Variants in SORCS3 observed in about 807,000 individuals in gnomAD.
SORCS3 encodes sortilin related VPS10 domain containing receptor 3.
In SORCS3, 57 loss-of-function variants were observed where a neutral mutation model predicts 146.3. The observed-to-expected ratio is 0.39, with a 90% confidence interval of 0.31 to 0.49. SORCS3 has a LOEUF of 0.49. Ranked by LOEUF, SORCS3 falls within the 20% of genes least tolerant of loss-of-function variation. The pLI, the probability that SORCS3 is intolerant of heterozygous loss-of-function variation, is 0.92. For missense variants in SORCS3, 1,341 were observed against 1,575.5 expected, an observed-to-expected ratio of 0.85 and a Z score of 2.52; for synonymous variants, 653 against 618.5, an observed-to-expected ratio of 1.06 and a Z score of -0.83.
At chr10:104,784,013 A>G (rs2017404474) in intron 1 of SORCS3, among the ~76,000 whole-genome samples, 1 of 152,248 alleles carries the variant, frequency 6.6e-6, no homozygotes, top group Non-Finnish European at 1.5e-5. Flanking sequence ...GAGATTCACA[A>G]TGCACCTTGA....
intron 4 of SORCS3, among the ~76,000 whole-genome samples, chr10:105,014,703 G>A (rs1564735044): frequency 2.0e-5 from 3 of 151,950 alleles, no homozygotes; most frequent in South Asian, 4.1e-4. Flanking sequence ...AAATTTATAT[G>A]TGAAACTTAA....
chr10:105,094,467 T>G (rs2133744965), intron 6 of SORCS3, among the ~76,000 whole-genome samples: 1 of 152,350 alleles, frequency 6.6e-6, no homozygotes, highest in East Asian at 1.9e-4. Context: ...ATTCATTCAT[T>G]TATTCATTCG....
intron 1 of SORCS3, among the ~76,000 whole-genome samples, chr10:104,673,442 G>GTGTA (rs1460816498): frequency 6.6e-6 from 1 of 151,810 alleles, no homozygotes; most frequent in African/African-American, 2.4e-5. Flanking sequence ...GTGTGTGTGT[G>GTGTA]TGTGTATTTT....
intron 2 of SORCS3, among the ~76,000 whole-genome samples, chr10:104,886,495 GTA>G (rs944406753): frequency 1.3e-5 from 2 of 151,872 alleles, no homozygotes; most frequent in South Asian, 2.1e-4. Context: ...TTATTTATAT[GTA>G]TATATATAAT....
intron 1 of SORCS3, among the ~76,000 whole-genome samples, chr10:104,745,099 T>C (rs995956644): frequency 5.9e-5 from 9 of 152,240 alleles, no homozygotes; most frequent in African/African-American, 1.7e-4. Flanking sequence ...TGAGGAGCGA[T>C]GTTCCATTTG....
intron 5 of SORCS3, among the ~76,000 whole-genome samples, chr10:105,088,763 T>C (rs1207489726): frequency 6.6e-6 from 1 of 152,232 alleles, no homozygotes. Flanking sequence ...TTCTTAGGTC[T>C]GTTTTTCATA....
chr10:105,108,691 T>C (rs1259238961), intron 7 of SORCS3, among the ~76,000 whole-genome samples: 1 of 152,114 alleles, frequency 6.6e-6, no homozygotes, highest in African/African-American at 2.4e-5. Context: ...CCCCAAATAA[T>C]GTGAAAGGCC....
At chr10:105,002,151 C>T (rs1328608728) in intron 4 of SORCS3, among the ~76,000 whole-genome samples, 2 of 152,104 alleles carry the variant, frequency 1.3e-5, no homozygotes, top group East Asian at 3.9e-4. Flanking sequence ...CCTTCATAGC[C>T]TCTGATTTTG....
Position 104,694,152 on chromosome 10 carries a change from G to T in SORCS3, c.627+52198G>T, listed in dbSNP as rs187560363. On this transcript the variant is annotated intron_variant, in intron 1 of 26. Transcript: ENST00000369701. ...AGATTGCTTTCCACGTTAGATTCAAGGATTCTTTTCTCCCCTTCTTCTTGG... is the reference window on the plus strand; with the variant it reads ...AGATTGCTTTCCACGTTAGATTCAATGATTCTTTTCTCCCCTTCTTCTTGG... 6.6e-5 allele frequency among the ~76,000 whole-genome samples: 10 copies of T among 150,536 alleles called. No individual in the cohort carries two copies. The East Asian group carries it at 2.0e-3, about 30-fold the overall frequency.
chr10:105,007,657 AC>A (rs887161389), intron 4 of SORCS3, among the ~76,000 whole-genome samples: 1 of 151,462 alleles, frequency 6.6e-6, no homozygotes, highest in Non-Finnish European at 1.5e-5. Context: ...CCCTCCCCCA[AC>A]CCCCCAAAAA....
At chr10:104,855,524 GT>G (rs1193993986) in intron 2 of SORCS3, among the ~76,000 whole-genome samples, 1 of 152,118 alleles carries the variant, frequency 6.6e-6, no homozygotes, top group Non-Finnish European at 1.5e-5. Flanking sequence ...TATAAAATCT[GT>G]GTGTATTTTG....
intron 2 of SORCS3, among the ~76,000 whole-genome samples, chr10:104,845,604 T>G (rs1269246141): frequency 6.6e-6 from 1 of 152,112 alleles, no homozygotes; most frequent in Non-Finnish European, 1.5e-5. Flanking sequence ...GTGAGGGAAT[T>G]TATAAGACAC....
intron 1 of SORCS3, among the ~76,000 whole-genome samples, chr10:104,793,331 G>GT (rs1433537607): frequency 6.6e-6 from 1 of 152,118 alleles, no homozygotes; most frequent in East Asian, 1.9e-4. Flanking sequence ...AATACTTCTA[G>GT]TTTTTTATGG....
At chr10:105,015,874 C>T (rs551307850) in intron 4 of SORCS3, among the ~76,000 whole-genome samples, 11 of 151,308 alleles carry the variant, frequency 7.3e-5, no homozygotes, top group Middle Eastern at 3.5e-3. Flanking sequence ...GGATTACAGG[C>T]GCACACCACC....
At chr10:104,954,395 T>G (rs2019465598) in intron 3 of SORCS3, among the ~76,000 whole-genome samples, 1 of 152,212 alleles carries the variant, frequency 6.6e-6, no homozygotes, top group South Asian at 2.1e-4. Flanking sequence ...TGAAGGGTAT[T>G]AAAAAGCCAG....
At chr10:104,904,930 C>T (rs1210872992) in intron 2 of SORCS3, among the ~76,000 whole-genome samples, 2 of 152,036 alleles carry the variant, frequency 1.3e-5, no homozygotes, top group Non-Finnish European at 2.9e-5. Flanking sequence ...GGTTCAGGCG[C>T]ACACTGCCTC....
At position 105,016,155 on chromosome 10, in the gene SORCS3, A is replaced by ATATATATAT. The variant is rs71482443; in HGVS notation, c.955-26899_955-26898insATATATATT. Among the ~76,000 whole-genome samples the ATATATATAT allele has an allele frequency of 2.1e-3, 214 of 101,316 alleles. 1 individual carries two copies. Among genetic ancestry groups the ATATATATAT allele is most frequent in the Non-Finnish European group, 3.1e-3 (166 of 53,936 alleles). The allele number at this position is 101,316 out of a possible 152,430, so 66.5% of individuals were successfully genotyped here. On this transcript the variant is annotated intron_variant, in intron 4 of 26. Coordinates refer to ENST00000369701, the MANE Select transcript of SORCS3 (RefSeq NM_014978.3). Reference sequence around the variant, plus strand: ...TATAAATATATATATATATATATATATTTTTTTTTTTTTTTGAGATGGAGT... The same window carrying ATATATATAT: ...TATAAATATATATATATATATATATATATATATATTTTTTTTTTTTTTTTGAGATGGAGT...
At chr10:105,138,849 C>T (rs1046581058) in intron 7 of SORCS3, among the ~76,000 whole-genome samples, 5 of 152,048 alleles carry the variant, frequency 3.3e-5, no homozygotes, top group African/African-American at 9.7e-5. Flanking sequence ...GTATCTTGTA[C>T]GTGGAAAGAG....
chr10:104,823,748 T>C (rs930285245), intron 1 of SORCS3, among the ~76,000 whole-genome samples: 12 of 152,174 alleles, frequency 7.9e-5, no homozygotes, highest in African/African-American at 2.9e-4. Context: ...CATGTCCTGA[T>C]CTCTAGAACC....
Sources: gnomAD v4.1 joint callset for allele counts (sites outside exome capture counted in the v4.1 genomes callset) on GRCh38, gnomAD v4.1.1 for gene constraint, MANE v1.5 for transcripts, NCBI Gene and HGNC (gene_info 2026-07-23, HGNC 2026-07-21) for gene names.